PCM1: variants seen among roughly 807,000 people sequenced by gnomAD.
The protein encoded by PCM1 is pericentriolar material 1.
Under a neutral mutation model 241.9 loss-of-function variants are expected in PCM1, and 157 were observed. The ratio of observed to expected loss-of-function variants is 0.65; its 90% confidence interval spans 0.57 to 0.74. The LOEUF is 0.74. Among genes scored for constraint, PCM1 ranks in the 30% least tolerant of loss-of-function variants. The probability of loss-of-function intolerance (pLI) is 0.00; values close to 1 mark genes in which losing one functional copy is unlikely to be tolerated. For synonymous variants in PCM1, 1,085 were observed against 784.9 expected (o/e 1.38, Z -6.39); for missense variants, 3,478 against 2,360.1 (o/e 1.47, Z -9.81).
In PCM1 at chr8:17,991,559, T is replaced by A. The variant is rs923781861; in HGVS notation, c.4549T>A (p.Leu1517Ile). 1 of 1,602,076 alleles carries A rather than the reference T, an allele frequency of 6.2e-7. No homozygotes were observed. Residue 1517 changes from leucine (L) to isoleucine (I), a missense_variant, in exon 28 of 39, where the codon TTA becomes ATA. Transcript: ENST00000325083. Reference protein sequence around the residue: ...TDDLGNTVIHLDQALARMREY... With the variant: ...TDDLGNTVIHIDQALARMREY... ...AAATGTAGGTAACACCGTGATTCAC[T>A]TAGATCAAGCATTAGCCAGAATGAG...
Position 17,963,113 on chromosome 8 carries a change from A to G in PCM1, c.2476A>G (p.Met826Val), listed in dbSNP as rs1181040463. ...SIVDNELWSE[M>V]RRHEMLREEL... is the part of the protein sequence containing the mutation. ...TTAAAAAAAATAGTTGTGGTCAGAA[A>G]TGAGAAGACATGAAATGTTGAGGGA... The change falls in exon 17 of 39, where the codon ATG becomes GTG. Residue 826 changes from methionine to valine, a missense_variant. Coordinates refer to ENST00000325083, the MANE Select transcript of PCM1 (RefSeq NM_006197.4). The G allele has an allele frequency of 6.2e-7, 1 of 1,609,012 alleles. No individual in the cohort carries two copies. Among genetic ancestry groups the G allele is most frequent in the South Asian group, 1.1e-5 (1 of 90,092 alleles).
chr8:17,969,971 G>A (rs1187582860), intron 22 of PCM1, among the ~76,000 whole-genome samples: 2 of 152,128 alleles, frequency 1.3e-5, no homozygotes, highest in Non-Finnish European at 2.9e-5. Context: ...TAACTCATAG[G>A]ATTTGTTTTG....
chr8:18,006,732 A>G (rs528533199), intron 30 of PCM1, among the ~76,000 whole-genome samples: 64 of 152,330 alleles, frequency 4.2e-4, no homozygotes, highest in African/African-American at 1.5e-3. Context: ...ATAATTGGCT[A>G]AAGTAATTTG....
intron 29 of PCM1, among the ~76,000 whole-genome samples, chr8:18,001,979 G>T (rs555678161): frequency 3.2e-5 from 3 of 94,904 alleles, no homozygotes; most frequent in African/African-American, 1.0e-4. Flanking sequence ...TCCTTTTGCC[G>T]CTGCTTCTAA....
intron 36 of PCM1, among the ~76,000 whole-genome samples, chr8:18,020,212 G>T (rs1291805783): frequency 6.6e-6 from 1 of 152,146 alleles, no homozygotes; most frequent in Non-Finnish European, 1.5e-5. Context: ...GAAACGTGGA[G>T]GAAGCTACTG....
chr8:17,983,232 G>A, intron 24 of PCM1: 9 of 1,317,958 alleles, frequency 6.8e-6, no homozygotes, highest in Non-Finnish European at 9.0e-6. Flanking sequence ...CTTTCCTACA[G>A]CACATGCTAG....
At chr8:18,025,269 A>G in intron 36 of PCM1, 92 bp from the exon 37 acceptor site, 1 of 708,520 alleles carries the variant, frequency 1.4e-6, no homozygotes, top group Non-Finnish European at 2.4e-6. Context: ...ACGAAATGTG[A>G]TAGAATTACT....
chr8:17,926,531 T>C (rs1386804671), intron 2 of PCM1: 1 of 152,238 alleles, frequency 6.6e-6, no homozygotes, highest in Non-Finnish European at 1.5e-5. Flanking sequence ...TATATCTTAA[T>C]AGTGATCACA....
intron 30 of PCM1, 61 bp from the exon 31 acceptor site, chr8:18,009,486 A>G: frequency 9.5e-7 from 1 of 1,048,612 alleles, no homozygotes; most frequent in Middle Eastern, 2.5e-4. Context: ...ACTTAAAAGT[A>G]ATAGTATTTT....
chr8:17,947,098 A>T (rs188689502), intron 6 of PCM1, 88 bp from the exon 7 acceptor site: 1 of 710,516 alleles, frequency 1.4e-6, no homozygotes, highest in Admixed American at 2.9e-5. Context: ...ATAATTTGTT[A>T]TCAATGTGTA....
chr8:17,928,060 T>C (rs1367162988), intron 2 of PCM1: 1 of 152,106 alleles, frequency 6.6e-6, no homozygotes, highest in Non-Finnish European at 1.5e-5. Flanking sequence ...AGTAGAAGGA[T>C]TTTATTTTTA....
chr8:18,001,794 T>G (rs1050657438), intron 29 of PCM1, among the ~76,000 whole-genome samples: 1 of 152,084 alleles, frequency 6.6e-6, no homozygotes, highest in African/African-American at 2.4e-5. Context: ...TTTTTTGGAA[T>G]GTTTTGAGAG....
chr8:17,927,124 A>ATTTTTTTTTTTTTTTTTTTTTTTT (rs77247841), intron 2 of PCM1: 33 of 130,414 alleles, frequency 2.5e-4, no homozygotes, highest in Non-Finnish European at 4.9e-4. Flanking sequence ...GATCACTTTG[A>ATTTTTTTTTTTTTTTTTTTTTTTT]TTTTTTTTTT....
At chr8:17,964,816 C>G (rs773434602) in intron 18 of PCM1, 48 bp downstream of exon 18, 3 of 1,409,636 alleles carry the variant, frequency 2.1e-6, no homozygotes, top group Non-Finnish European at 1.0e-6. Flanking sequence ...AGGCTCAGGT[C>G]TTTTTGACTG....
At chr8:17,940,245 C>A in intron 6 of PCM1, 1 of 687,222 alleles carries the variant, frequency 1.5e-6, no homozygotes, top group Non-Finnish European at 2.5e-6. Context: ...TATAGGCGTT[C>A]CTTAATGAAA....
chr8:17,986,666 A>G (rs1311296380), intron 26 of PCM1, among the ~76,000 whole-genome samples: 1 of 151,820 alleles, frequency 6.6e-6, no homozygotes, highest in African/African-American at 2.4e-5. Flanking sequence ...CGTTGATTGA[A>G]TAACAGTGAC....
chr8:17,975,107 G>A (rs554742088), intron 23 of PCM1, among the ~76,000 whole-genome samples: 2 of 152,236 alleles, frequency 1.3e-5, no homozygotes, highest in East Asian at 3.9e-4. Flanking sequence ...ATTTTGGCAA[G>A]ATTTTTGGTA....
At chr8:17,947,158 T>C in intron 6 of PCM1, 28 bp from the exon 7 acceptor site, 1 of 1,468,452 alleles carries the variant, frequency 6.8e-7, no homozygotes, top group Non-Finnish European at 9.3e-7. Flanking sequence ...AATAGTCAGA[T>C]ACAAGTATTG....
At chr8:18,027,267 C>T (rs1361445346) in intron 38 of PCM1, among the ~76,000 whole-genome samples, 1 of 114,000 alleles carries the variant, frequency 8.8e-6, no homozygotes, top group Non-Finnish European at 2.3e-5. Context: ...CTGCAGCTTC[C>T]TCCACTGTCA....
Sources: allele counts gnomAD v4.1 joint callset (sites outside exome capture counted in the v4.1 genomes callset), GRCh38; gene constraint gnomAD v4.1.1; transcripts MANE v1.5; gene names NCBI Gene and HGNC (gene_info 2026-07-23, HGNC 2026-07-21).